Variants in FASTKD1 observed in about 807,000 individuals in gnomAD.
FASTKD1 encodes the protein FAST kinase domain-containing protein 1, mitochondrial.
FASTKD1 carries 94 observed loss-of-function variants against 90.9 expected under a neutral mutation model. That is an observed-to-expected ratio of 1.03 (90% CI 0.88 to 1.23). FASTKD1 has a LOEUF of 1.23. Among genes scored for constraint, FASTKD1 ranks in the 50% most tolerant of loss-of-function variants. FASTKD1 has a pLI of 0.00. For missense variants in FASTKD1, 945 were observed against 993.5 expected (o/e 0.95, Z 0.66); for synonymous variants, 319 against 345.8 (o/e 0.92, Z 0.86).
intron 11 of FASTKD1, among the ~76,000 whole-genome samples, chr2:169,537,691 C>A (rs1344519998): frequency 6.6e-6 from 1 of 151,958 alleles, no homozygotes; most frequent in Non-Finnish European, 1.5e-5. Flanking sequence ...CGGACTTAAT[C>A]AGTTTTTTAA....
chr2:169,531,196 G>C, intron 13 of FASTKD1, 156 bp downstream of exon 13: 1 of 814,298 alleles, frequency 1.2e-6, no homozygotes, highest in Non-Finnish European at 2.2e-6. Context: ...GAACATTAAA[G>C]CAGAAAGGAG....
At chr2:169,570,998 GCTTAC>G (rs1188406429) in intron 2 of FASTKD1, 1 of 152,046 alleles carries the variant, frequency 6.6e-6, no homozygotes, top group Non-Finnish European at 1.5e-5. Flanking sequence ...AAATCTAACT[GCTTAC>G]CTACTATATC....
intron 13 of FASTKD1, 97 bp from the exon 14 acceptor site, chr2:169,530,798 C>T (rs1684447616): frequency 8.6e-6 from 6 of 694,512 alleles, no homozygotes. Flanking sequence ...TATAAACTAA[C>T]AAAAGCCAAT....
chr2:169,542,516 T>C (rs1297624238), intron 9 of FASTKD1, among the ~76,000 whole-genome samples: 3 of 152,240 alleles, frequency 2.0e-5, no homozygotes, highest in African/African-American at 7.2e-5. Context: ...CTGCTAAGGC[T>C]AACAGCAGGA....
chr2:169,557,129 A>C, intron 6 of FASTKD1, 58 bp downstream of exon 6: 2 of 1,137,358 alleles, frequency 1.8e-6, no homozygotes, highest in South Asian at 2.5e-5. Flanking sequence ...TTCCTTAGAA[A>C]AAAATAGGTG....
intron 3 of FASTKD1, among the ~76,000 whole-genome samples, chr2:169,563,914 T>G (rs559619522): frequency 6.6e-6 from 1 of 152,188 alleles, no homozygotes; most frequent in Non-Finnish European, 1.5e-5. Flanking sequence ...GATAAATCCT[T>G]AAAACATACT....
At chr2:169,554,264 T>G in intron 7 of FASTKD1, among the ~76,000 whole-genome samples, 1 of 96,136 alleles carries the variant, frequency 1.0e-5, no homozygotes, top group Non-Finnish European at 1.8e-5. Flanking sequence ...GGGGACAGAG[T>G]GAGACCCTGT....
rs1470350387 is a variant in FASTKD1, at chr2:169,531,546, G to A, written c.2189-56C>T. ...ATTAGGTAAAGTCTTACAGATAAAA[G>A]TTTAAGATATATTTGAAATATATAT... is the stretch of plus-strand genomic sequence containing the variant. On this transcript the variant is annotated intron_variant, in intron 12 of 14. Coordinates refer to ENST00000453153, the MANE Select transcript of FASTKD1 (RefSeq NM_024622.6). 9 of 1,387,524 alleles carry A rather than the reference G, an allele frequency of 6.5e-6. No individual in the cohort carries two copies. In the African/African-American group the frequency reaches 8.8e-5, roughly 14 times the overall value. 86.0% of individuals were successfully genotyped at this position (1,387,524 alleles called of 1,614,324 possible). A position where few individuals can be genotyped will look rare whatever the true frequency, so the allele number is the denominator to read the frequency against.
At chr2:169,539,241 C>CCAATCTT (rs1684861804) in intron 10 of FASTKD1, among the ~76,000 whole-genome samples, 2 of 150,536 alleles carry the variant, frequency 1.3e-5, no homozygotes, top group Non-Finnish European at 3.0e-5. Flanking sequence ...CACTGCACTC[C>CCAATCTT]AGCCTGGGAA....
chr2:169,546,841 C>G (rs1343147989), intron 7 of FASTKD1, 137 bp from the exon 8 acceptor site: 31 of 873,446 alleles, frequency 3.5e-5, no homozygotes, highest in Non-Finnish European at 4.6e-5. Context: ...TGTTTCTCCT[C>G]TAATCTCAAA....
chr2:169,555,013 A>G, intron 7 of FASTKD1, 111 bp downstream of exon 7: 2 of 945,656 alleles, frequency 2.1e-6, no homozygotes, highest in Non-Finnish European at 1.6e-6. Context: ...TTTACTAATA[A>G]GCTTCACAAT....
chr2:169,537,972 T>C (rs1194110315), intron 11 of FASTKD1, 41 bp downstream of exon 11: 11 of 1,552,746 alleles, frequency 7.1e-6, no homozygotes, highest in Admixed American at 4.1e-5. Flanking sequence ...TAATTTACTT[T>C]AGAATCAAAC....
chr2:169,549,099 A>G (rs1256421228), intron 7 of FASTKD1, among the ~76,000 whole-genome samples: 1 of 151,688 alleles, frequency 6.6e-6, no homozygotes, highest in Non-Finnish European at 1.5e-5. Flanking sequence ...TCCATCTCAA[A>G]AAATTAAATA....
chr2:169,544,899 T>G, intron 8 of FASTKD1, 64 bp from the exon 9 acceptor site: 1 of 859,204 alleles, frequency 1.2e-6, no homozygotes, highest in Admixed American at 2.7e-5. Context: ...AATTTTAACC[T>G]AATTATTTTT....
At chr2:169,564,192 A>G (rs1410635108) in intron 3 of FASTKD1, among the ~76,000 whole-genome samples, 2 of 152,150 alleles carry the variant, frequency 1.3e-5, no homozygotes, top group Non-Finnish European at 2.9e-5. Context: ...AATTTAAGAG[A>G]CACAGTAATT....
chr2:169,549,001 A>G (rs565349854), intron 7 of FASTKD1, among the ~76,000 whole-genome samples: 18 of 148,028 alleles, frequency 1.2e-4, no homozygotes, highest in South Asian at 2.2e-4. Context: ...GGAGGCTGAG[A>G]CAGGAGAATG....
intron 8 of FASTKD1, among the ~76,000 whole-genome samples, chr2:169,545,879 T>C (rs769190235): frequency 3.5e-4 from 54 of 152,302 alleles, no homozygotes; most frequent in Admixed American, 1.2e-3. Context: ...AATGCCGGAA[T>C]GAGAAAGTGA....
chr2:169,547,976 T>TTCC (rs1348308363), intron 7 of FASTKD1, among the ~76,000 whole-genome samples: 3 of 138,460 alleles, frequency 2.2e-5, no homozygotes, highest in African/African-American at 7.9e-5. Flanking sequence ...AGCCTAAGAC[T>TTCC]TCCTGATGCC....
intron 10 of FASTKD1, 131 bp downstream of exon 10, chr2:169,539,920 C>G: frequency 2.1e-6 from 1 of 477,770 alleles, no homozygotes; most frequent in Non-Finnish European, 3.5e-6. Flanking sequence ...TTCCAAATTT[C>G]TACAATAAGC....
Sources: gnomAD v4.1 joint callset for allele counts (sites outside exome capture counted in the v4.1 genomes callset) on GRCh38, gnomAD v4.1.1 for gene constraint, MANE v1.5 for transcripts, NCBI Gene and HGNC (gene_info 2026-07-23, HGNC 2026-07-21) for gene names.